CSMD3: variants seen among roughly 807,000 people sequenced by gnomAD.
CSMD3 encodes the protein CUB and sushi domain-containing protein 3.
Under a neutral mutation model 435.2 loss-of-function variants are expected in CSMD3, and 177 were observed. The ratio of observed to expected loss-of-function variants is 0.41; its 90% CI spans 0.36 to 0.46. The LOEUF is 0.46. Among genes scored for constraint, CSMD3 ranks in the 20% least tolerant of loss-of-function variants. The pLI is 0.34. For missense variants in CSMD3, 4,265 were observed against 4,504.6 expected, an observed-to-expected ratio of 0.95 and a Z score of 1.52; for synonymous variants, 1,656 against 1,520.5, an observed-to-expected ratio of 1.09 and a Z score of -2.07.
At chr8:112,580,111 A>T (rs1368357563) in intron 23 of CSMD3, among the ~76,000 whole-genome samples, 1 of 152,086 alleles carries the variant, frequency 6.6e-6, no homozygotes, top group Non-Finnish European at 1.5e-5. Context: ...AACAGAAAAT[A>T]GTATTTCTCA....
intron 2 of CSMD3, among the ~76,000 whole-genome samples, chr8:113,284,276 C>T (rs916580948): frequency 2.0e-5 from 3 of 152,076 alleles, no homozygotes; most frequent in Non-Finnish European, 4.4e-5. Flanking sequence ...AAAACCAGTG[C>T]TTCTGTCAAT....
At chr8:113,084,579 TAAATATAAA>T (rs2089685288) in intron 5 of CSMD3, among the ~76,000 whole-genome samples, 2 of 119,500 alleles carry the variant, frequency 1.7e-5, no homozygotes, top group African/African-American at 6.6e-5. Flanking sequence ...AATGACATTC[TAAATATAAA>T]AAATATAAAA....
At chr8:112,732,369 T>C (rs923771853) in intron 13 of CSMD3, among the ~76,000 whole-genome samples, 5 of 152,086 alleles carry the variant, frequency 3.3e-5, no homozygotes, top group African/African-American at 1.2e-4. Context: ...CACTAACTGA[T>C]AGTGGTTTTG....
At chr8:112,922,154 C>T (rs1279141301) in intron 9 of CSMD3, among the ~76,000 whole-genome samples, 1 of 152,036 alleles carries the variant, frequency 6.6e-6, no homozygotes, top group African/African-American at 2.4e-5. Context: ...TGTCTATAAA[C>T]ATGCATTTAA....
At chr8:113,355,176 C>G (rs1434866280) in intron 1 of CSMD3, among the ~76,000 whole-genome samples, 1 of 151,992 alleles carries the variant, frequency 6.6e-6, no homozygotes, top group Non-Finnish European at 1.5e-5. Context: ...AAACAAGTAT[C>G]ATATTTAACA....
intron 13 of CSMD3, among the ~76,000 whole-genome samples, chr8:112,724,730 A>C (rs2076929108): frequency 6.6e-6 from 1 of 152,048 alleles, no homozygotes. Flanking sequence ...TGCAACCCAG[A>C]GGTTATTGCT....
chr8:112,942,381 T>A (rs751876184), intron 9 of CSMD3, among the ~76,000 whole-genome samples: 4 of 151,398 alleles, frequency 2.6e-5, no homozygotes, highest in Non-Finnish European at 5.9e-5. Context: ...CAAAGGAAAA[T>A]AAATTGTTCT....
intron 5 of CSMD3, among the ~76,000 whole-genome samples, chr8:113,094,883 A>G (rs965381785): frequency 6.6e-6 from 1 of 152,096 alleles, no homozygotes. Flanking sequence ...CACCCTGGCT[A>G]ACACAGTGAA....
At chr8:112,936,088 C>T (rs986315051) in intron 9 of CSMD3, among the ~76,000 whole-genome samples, 19 of 152,092 alleles carry the variant, frequency 1.2e-4, no homozygotes, top group Admixed American at 1.1e-3. Context: ...GAAAAAAATG[C>T]TAATATAGTC....
chr8:112,917,618 G>A (rs958988121), intron 10 of CSMD3, among the ~76,000 whole-genome samples: 3 of 151,878 alleles, frequency 2.0e-5, no homozygotes, highest in African/African-American at 7.2e-5. Flanking sequence ...CCAACACATT[G>A]TCTCCATCCA....
At chr8:112,232,426 G>A (rs1813173496) in intron 68 of CSMD3, among the ~76,000 whole-genome samples, 1 of 152,096 alleles carries the variant, frequency 6.6e-6, no homozygotes, top group Admixed American at 6.6e-5. Context: ...TAGCCAACAT[G>A]GTAAAACCCC....
intron 4 of CSMD3, among the ~76,000 whole-genome samples, chr8:113,110,230 T>C (rs2090598128): frequency 6.6e-6 from 1 of 152,222 alleles, no homozygotes. Context: ...TTTTATAATA[T>C]GGACAGTTAT....
chr8:113,271,522 C>T (rs919101641), intron 3 of CSMD3, among the ~76,000 whole-genome samples: 25 of 152,076 alleles, frequency 1.6e-4, no homozygotes, highest in African/African-American at 5.3e-4. Flanking sequence ...GCAGCTTACA[C>T]GTGATGTTGA....
At chr8:113,111,649 A>G (rs984574061) in intron 4 of CSMD3, among the ~76,000 whole-genome samples, 6 of 152,066 alleles carry the variant, frequency 3.9e-5, no homozygotes, top group African/African-American at 1.4e-4. Context: ...CATCACTACA[A>G]GAATTCCTAG....
intron 33 of CSMD3, 66 bp from the exon 34 acceptor site, chr8:112,408,479 A>G (rs1338657648): frequency 1.0e-6 from 1 of 973,086 alleles, no homozygotes; most frequent in Non-Finnish European, 1.7e-6. Flanking sequence ...AACAAATTAT[A>G]TTATAATCTT....
intron 6 of CSMD3, among the ~76,000 whole-genome samples, chr8:113,014,963 A>C (rs1202916508): frequency 2.6e-5 from 4 of 152,178 alleles, no homozygotes; most frequent in African/African-American, 9.6e-5. Flanking sequence ...CAATGCTCAG[A>C]GAACTCAGCA....
At chr8:113,426,370 T>A (rs1246858843) in intron 1 of CSMD3, among the ~76,000 whole-genome samples, 3 of 151,384 alleles carry the variant, frequency 2.0e-5, no homozygotes, top group Non-Finnish European at 4.4e-5. Flanking sequence ...GTGGATAAAC[T>A]TCATTGTGGG....
At chr8:112,741,850 T>G (rs944973690) in intron 13 of CSMD3, among the ~76,000 whole-genome samples, 6 of 147,138 alleles carry the variant, frequency 4.1e-5, no homozygotes, top group African/African-American at 1.5e-4. Context: ...GATCCTAAAT[T>G]GTAGTGGGTT....
At chr8:113,280,471 T>C (rs1022206439) in intron 2 of CSMD3, among the ~76,000 whole-genome samples, 14 of 152,038 alleles carry the variant, frequency 9.2e-5, no homozygotes, top group South Asian at 8.3e-4. Context: ...ACAGTAGCCT[T>C]GAACGATCTT....
Sources: allele counts gnomAD v4.1 joint callset (sites outside exome capture counted in the v4.1 genomes callset), GRCh38; gene constraint gnomAD v4.1.1; transcripts MANE v1.5; gene names NCBI Gene and HGNC (gene_info 2026-07-23, HGNC 2026-07-21).